Variants in EXD3 observed in about 807,000 individuals in gnomAD.
The protein encoded by EXD3 is exonuclease 3'-5' domain containing 3.
Under a neutral mutation model 98.0 loss-of-function variants are expected in EXD3, and 92 were observed. The observed-to-expected ratio is 0.94, with a 90% confidence interval of 0.79 to 1.12. The LOEUF is 1.12. Ranked by LOEUF, EXD3 falls within the 50% of genes most tolerant of loss-of-function variation. EXD3 has a pLI of 0.00. For synonymous variants in EXD3, 569 were observed against 526.0 expected (o/e 1.08, Z -1.12); for missense variants, 1,222 against 1,191.6 (o/e 1.03, Z -0.38).
intron 17 of EXD3, among the ~76,000 whole-genome samples, chr9:137,330,213 G>A (rs898416733): frequency 1.5e-5 from 2 of 131,172 alleles, no homozygotes; most frequent in African/African-American, 3.0e-5. Flanking sequence ...CTACACAGGA[G>A]CTACACAGGA....
intron 1 of EXD3, among the ~76,000 whole-genome samples, chr9:137,409,326 G>A (rs1316401211): frequency 6.6e-6 from 1 of 152,224 alleles, no homozygotes; most frequent in African/African-American, 2.4e-5. Context: ...ACGCCTCCTC[G>A]GATGCTCCCC....
intron 3 of EXD3, among the ~76,000 whole-genome samples, chr9:137,383,108 C>T (rs1397494257): frequency 6.6e-6 from 1 of 152,212 alleles, no homozygotes. Flanking sequence ...GTGCCTTTAC[C>T]ACCCTGGGGA....
intron 17 of EXD3, among the ~76,000 whole-genome samples, chr9:137,344,320 C>A (rs571589168): frequency 1.3e-5 from 2 of 152,104 alleles, no homozygotes; most frequent in African/African-American, 4.8e-5. Context: ...CAACAACTTC[C>A]GGCACCAAAA....
intron 1 of EXD3, among the ~76,000 whole-genome samples, chr9:137,404,553 T>A (rs897811251): frequency 1.3e-5 from 2 of 151,996 alleles, no homozygotes; most frequent in Non-Finnish European, 2.9e-5. Flanking sequence ...TTCTGAAAAA[T>A]CATGCAAAAA....
At position 137,351,614 on chromosome 9, in the gene EXD3, G is replaced by C. The variant is rs1834310177; in HGVS notation, c.1174-86C>G. 8 of 1,313,308 alleles carry C rather than the reference G, an allele frequency of 6.1e-6. No homozygotes were observed. The Admixed American group carries it at 1.5e-4, about 24-fold the overall frequency. The allele number at this position is 1,313,308 out of a possible 1,614,324, so 81.4% of individuals were successfully genotyped here. A position where few individuals can be genotyped will look rare whatever the true frequency, so the allele number is the denominator to read the frequency against. Reference sequence around the variant, plus strand: ...GCCTGGAGGTCCTGAGCAGCTCTGTGAGCTTGGGCTTCGGGGAGACGCCCC... The same window carrying C: ...GCCTGGAGGTCCTGAGCAGCTCTGTCAGCTTGGGCTTCGGGGAGACGCCCC... On this transcript the variant is annotated intron_variant, in intron 12 of 21. Transcript: ENST00000340951.
chr9:137,410,845 G>A lies in EXD3; in HGVS notation c.-48+12269C>T, dbSNP rs78428165. On this transcript the variant is annotated intron_variant, in intron 1 of 21. Transcript: ENST00000340951. ...CCCACAGAGCCTGGCAGACCCCCAG[G>A]GCCTGAGTGAGGTCCAAGGCTCTGC... 4.9e-4 allele frequency among the ~76,000 whole-genome samples: 74 copies of A among 152,288 alleles called. 1 individual carries two copies. In the East Asian group the frequency reaches 0.013, roughly 27 times the overall value.
rs140847869 is a variant in EXD3 at position 137,340,829 on chromosome 9, A to C, written c.1998+7242T>G. On this transcript the variant is annotated intron_variant, in intron 17 of 21. Transcript: ENST00000340951. ...CACTGCACCTGGCCTCAATGTCTTA[A>C]ATATGTCATTTTTCCCTAAATTGAT... Among the ~76,000 whole-genome samples, 1,054 of 152,310 alleles carry C rather than the reference A, an allele frequency of 6.9e-3. 5 individuals carry two copies. Among genetic ancestry groups the C allele is most frequent in the African/African-American group, 0.021 (890 of 41,572 alleles).
intron 7 of EXD3, among the ~76,000 whole-genome samples, chr9:137,357,867 G>A (rs1244199275): frequency 1.3e-5 from 2 of 152,006 alleles, no homozygotes; most frequent in Non-Finnish European, 2.9e-5. Flanking sequence ...GAAGAACTTA[G>A]AGTCTGATGT....
At chr9:137,328,594 A>G (rs1159164878) in intron 17 of EXD3, among the ~76,000 whole-genome samples, 1 of 53,616 alleles carries the variant, frequency 1.9e-5, no homozygotes, top group African/African-American at 1.0e-4. Flanking sequence ...ACACGGGACT[A>G]CACGGGACTA....
At chr9:137,311,063 A>T (rs960257221) in intron 19 of EXD3, among the ~76,000 whole-genome samples, 1 of 152,146 alleles carries the variant, frequency 6.6e-6, no homozygotes, top group Admixed American at 6.5e-5. Flanking sequence ...CGAAACTAAG[A>T]GGCTGCACTA....
At position 137,352,123 on chromosome 9, in the gene EXD3, G is replaced by A. The variant is rs758745617; in HGVS notation, c.1116C>T (p.Asn372=). 33 of 1,612,732 alleles carry A rather than the reference G, an allele frequency of 2.0e-5. No individual in the cohort carries two copies. Among genetic ancestry groups the A allele is most frequent in the South Asian group, 5.5e-5 (5 of 91,092 alleles). Residue 372 remains asparagine, a synonymous_variant, in exon 12 of 22, where the codon AAC becomes AAT. Coordinates refer to ENST00000340951, the MANE Select transcript of EXD3 (RefSeq NM_017820.5). The part of the protein sequence containing the change: ...RYYQLPIPRE[N]VHLLASWEDL... The stretch of plus-strand genomic sequence containing the variant: ...CTTCCCACGAGGCCAGGAGGTGGAC[G>A]TTCTCCCTGGGGATGGGCAGCTGGT...
chr9:137,393,240 G>A lies in EXD3; in HGVS notation c.55+2063C>T, dbSNP rs1188528458. Reference sequence around the variant, plus strand: ...GCTGTAGAAGCCTGTGGGTGCCTGTGCAGGGAGAGTCAGCTCTGTGCTGAG... The same window carrying A: ...GCTGTAGAAGCCTGTGGGTGCCTGTACAGGGAGAGTCAGCTCTGTGCTGAG... On this transcript the variant is annotated intron_variant, in intron 2 of 21. Transcript: ENST00000340951. This position sits in a 1 kb window ranked among gnomAD's most constrained non-coding sequence, Gnocchi z 4.6. 1 of 702,600 alleles carries A rather than the reference G, an allele frequency of 1.4e-6. No individual in the cohort carries two copies. The highest frequency in any genetic ancestry group is 2.0e-5 in the Admixed American group (1 of 50,000). The allele number at this position is 702,600 out of a possible 1,614,324, so 43.5% of individuals were successfully genotyped here. A position where few individuals can be genotyped will look rare whatever the true frequency, so the allele number is the denominator to read the frequency against.
intron 20 of EXD3, among the ~76,000 whole-genome samples, chr9:137,308,635 T>C (rs1276611770): frequency 5.6e-5 from 7 of 125,600 alleles, no homozygotes; most frequent in African/African-American, 1.0e-4. Flanking sequence ...GGACTGACCC[T>C]TTTTTTTTTT....
Position 137,415,012 on chromosome 9 carries a change from C to T in EXD3, c.-48+8102G>A, listed in dbSNP as rs55724261. Among the ~76,000 whole-genome samples the T allele has an allele frequency of 4.8e-3, 726 of 150,426 alleles. 9 individuals are homozygous for T. The highest frequency in any genetic ancestry group is 0.026 in the Middle Eastern group (7 of 272). ...AAGTGATTCTCCTGCCTCAGCCTCC[C>T]GAGTAGCTGGGATTACAGGTGCCTG... is the stretch of plus-strand genomic sequence containing the variant. On this transcript the variant is annotated intron_variant, in intron 1 of 21. Coordinates refer to ENST00000340951, the MANE Select transcript of EXD3 (RefSeq NM_017820.5).
At position 137,349,583 on chromosome 9, in the gene EXD3, A is replaced by G. The variant is rs1834144320; in HGVS notation, c.1495-52T>C. 1.4e-6 allele frequency: 2 copies of G among 1,480,862 alleles called. No individual in the cohort carries two copies. The highest frequency in any genetic ancestry group is 1.4e-5 in the African/African-American group (1 of 71,244). The allele number at this position is 1,480,862 out of a possible 1,614,324, so 91.7% of individuals were successfully genotyped here. On this transcript the variant is annotated intron_variant, in intron 14 of 21. Transcript: ENST00000340951. The surrounding 1 kb of genome is among the most constrained non-coding windows in gnomAD (Gnocchi z 7.4). ...ACGCGTCTGGCCCTGGCGGCAGCAC[A>G]GTCACCGTGCCCACTCACACCAGCC...
At chr9:137,417,921 G>T (rs939996742) in intron 1 of EXD3, among the ~76,000 whole-genome samples, 3 of 152,122 alleles carry the variant, frequency 2.0e-5, no homozygotes, top group African/African-American at 7.2e-5. Context: ...GCCGGAGGGG[G>T]TGAGCTGCAA....
chr9:137,382,329 G>A (rs577694422), intron 3 of EXD3, among the ~76,000 whole-genome samples: 29 of 150,412 alleles, frequency 1.9e-4, no homozygotes, highest in Admixed American at 4.6e-4. Context: ...ACGCCAGGAC[G>A]AATGTCAGGA....
At chr9:137,361,682 G>A (rs1835001382) in intron 7 of EXD3, among the ~76,000 whole-genome samples, 1 of 150,450 alleles carries the variant, frequency 6.6e-6, no homozygotes, top group Non-Finnish European at 1.5e-5. Flanking sequence ...GGAGGCGGAG[G>A]TTGCAGTGAG....
At chr9:137,401,261 C>T (rs1204210447) in intron 1 of EXD3, among the ~76,000 whole-genome samples, 1 of 149,050 alleles carries the variant, frequency 6.7e-6, no homozygotes, top group Non-Finnish European at 1.5e-5. Flanking sequence ...TCACACCATT[C>T]TCCTGCCTCA....
Sources: gnomAD v4.1 joint callset for allele counts (sites outside exome capture counted in the v4.1 genomes callset) on GRCh38, gnomAD v4.1.1 for gene constraint, Gnocchi (gnomAD v3.1) non-coding constraint, MANE v1.5 for transcripts, NCBI Gene and HGNC (gene_info 2026-07-23, HGNC 2026-07-21) for gene names.